TBC1D4: variants seen among roughly 807,000 people sequenced by gnomAD.
The protein encoded by TBC1D4 is TBC1 domain family member 4.
TBC1D4 carries 121 observed loss-of-function variants against 142.5 expected under a neutral mutation model. The observed-to-expected ratio is 0.85, with a 90% confidence interval of 0.73 to 0.99. The LOEUF is 0.99. Among genes scored for constraint, TBC1D4 ranks in the 50% least tolerant of loss-of-function variants. The pLI, the probability that TBC1D4 is intolerant of heterozygous loss-of-function variation, is 0.00. For synonymous variants in TBC1D4, 630 were observed against 628.2 expected (o/e 1.00, Z -0.04); for missense variants, 1,475 against 1,606.6 (o/e 0.92, Z 1.40).
intron 1 of TBC1D4, among the ~76,000 whole-genome samples, chr13:75,407,001 T>C (rs1414433020): frequency 2.0e-5 from 3 of 152,162 alleles, no homozygotes; most frequent in Non-Finnish European, 4.4e-5. Flanking sequence ...TTATGTATCA[T>C]TTCAGGCATT....
chr13:75,353,336 A>G (rs570668532), intron 4 of TBC1D4, among the ~76,000 whole-genome samples: 4 of 152,376 alleles, frequency 2.6e-5, no homozygotes, highest in Admixed American at 6.5e-5. Context: ...CAAGTTCTCC[A>G]GTGATCACAG....
intron 1 of TBC1D4, among the ~76,000 whole-genome samples, chr13:75,368,225 G>T (rs1421783706): frequency 6.6e-6 from 1 of 152,126 alleles, no homozygotes; most frequent in African/African-American, 2.4e-5. Flanking sequence ...TCTCCTTAAG[G>T]AATCACCGGT....
At chr13:75,384,728 A>G (rs1329748186) in intron 1 of TBC1D4, among the ~76,000 whole-genome samples, 1 of 152,102 alleles carries the variant, frequency 6.6e-6, no homozygotes, top group Non-Finnish European at 1.5e-5. Flanking sequence ...CTGATTCAGA[A>G]AAAAAAGAAC....
intron 14 of TBC1D4, among the ~76,000 whole-genome samples, chr13:75,307,219 C>G (rs933243357): frequency 1.3e-5 from 2 of 152,198 alleles, no homozygotes; most frequent in Non-Finnish European, 2.9e-5. Context: ...ACCTCAGCCT[C>G]CCAAAGAGCT....
intron 1 of TBC1D4, among the ~76,000 whole-genome samples, chr13:75,473,554 G>GA (rs770161644): frequency 6.6e-6 from 1 of 152,214 alleles, no homozygotes; most frequent in Non-Finnish European, 1.5e-5. Flanking sequence ...TAAAAGTGAA[G>GA]ACTATTCAAC....
At chr13:75,299,305 T>C (rs568793013) in intron 17 of TBC1D4, 25 bp downstream of exon 17, 1 of 1,613,498 alleles carries the variant, frequency 6.2e-7, no homozygotes, top group East Asian at 2.2e-5. Flanking sequence ...TCTCACACCT[T>C]CCTCGGGAAG....
chr13:75,346,536 C>T (rs1184266007), intron 5 of TBC1D4, among the ~76,000 whole-genome samples: 1 of 152,198 alleles, frequency 6.6e-6, no homozygotes, highest in Non-Finnish European at 1.5e-5. Flanking sequence ...TTTTCTTTAT[C>T]CAGTCTATCA....
rs1419739171 is a variant in TBC1D4 at position 75,299,524 on chromosome 13, G to C, written c.2962C>G (p.Gln988Glu). The C allele has an allele frequency of 1.9e-6, 3 of 1,614,168 alleles. No homozygotes were observed. In the South Asian group the frequency reaches 3.3e-5, roughly 18 times the overall value. Residue 988 changes from glutamine to glutamate, a missense_variant, in exon 17 of 21, where the codon CAG becomes GAG. This residue lies in a region of TBC1D4 where 1,227 missense variants were observed against 1,267.7 expected (regional missense o/e 0.97). Transcript: ENST00000377636. ...PYFSVQLGPG[Q>E]LSLFNLLKAY... ...TTCAGGAGGTTAAACAGTGACAGCTGTCCTGGCCCAAGCTGTACTGAAAAG... is the reference window on the plus strand; with the variant it reads ...TTCAGGAGGTTAAACAGTGACAGCTCTCCTGGCCCAAGCTGTACTGAAAAG...
At chr13:75,397,908 G>A (rs1489255206) in intron 1 of TBC1D4, among the ~76,000 whole-genome samples, 3 of 152,202 alleles carry the variant, frequency 2.0e-5, no homozygotes, top group Non-Finnish European at 4.4e-5. Flanking sequence ...AACATTTTGA[G>A]CTCTTCAAGC....
At chr13:75,424,869 G>A (rs73537549) in intron 1 of TBC1D4, among the ~76,000 whole-genome samples, 4,646 of 152,114 alleles carry the variant, frequency 0.031, 246 homozygotes, top group African/African-American at 0.1. Flanking sequence ...AACTCAAACC[G>A]AATTAAAGAC....
intron 1 of TBC1D4, among the ~76,000 whole-genome samples, chr13:75,424,622 A>G (rs1266296007): frequency 6.6e-6 from 1 of 152,204 alleles, no homozygotes; most frequent in Non-Finnish European, 1.5e-5. Context: ...TCTCCTACAA[A>G]GCTATAGTAA....
intron 1 of TBC1D4, among the ~76,000 whole-genome samples, chr13:75,453,377 G>A (rs1887604696): frequency 6.6e-6 from 1 of 151,862 alleles, no homozygotes; most frequent in Non-Finnish European, 1.5e-5. Flanking sequence ...ATAACATTAT[G>A]CAATTAAAAC....
At chr13:75,369,330 C>T (rs1244284672) in intron 1 of TBC1D4, among the ~76,000 whole-genome samples, 2 of 151,930 alleles carry the variant, frequency 1.3e-5, no homozygotes, top group African/African-American at 4.8e-5. Flanking sequence ...TCCGTCTCTA[C>T]AAAAAATTTA....
intron 1 of TBC1D4, among the ~76,000 whole-genome samples, chr13:75,419,700 A>T (rs1213708637): frequency 6.6e-6 from 1 of 152,152 alleles, no homozygotes; most frequent in Non-Finnish European, 1.5e-5. Context: ...TCTCCCAGTC[A>T]CCTCCATCTG....
In TBC1D4 at chr13:75,294,960, G is replaced by A. The variant is rs773694552; in HGVS notation, c.3210C>T (p.Tyr1070=). The change falls in exon 18 of 21, where the codon TAC becomes TAT. Residue 1070 remains tyrosine (Y), a synonymous_variant. Transcript: ENST00000377636. ...RLLHDYHRDL[Y]NHLEENEISP... ...TGATTTCATTTTCTTCAAGGTGATT[G>A]TAGAGATCTCTGTGATAGTCATGAA... is the stretch of plus-strand genomic sequence containing the variant. The A allele has an allele frequency of 9.9e-6, 16 of 1,613,826 alleles. No individual in the cohort carries two copies. In the African/African-American group the frequency reaches 1.9e-4, roughly 19 times the overall value.
chr13:75,326,097 G>A, intron 10 of TBC1D4, 100 bp downstream of exon 10: 1 of 1,362,160 alleles, frequency 7.3e-7, no homozygotes, highest in Non-Finnish European at 1.0e-6. Flanking sequence ...AAAACTAAAA[G>A]TTGGCTACAG....
chr13:75,385,105 A>G (rs1884091841), intron 1 of TBC1D4, among the ~76,000 whole-genome samples: 1 of 151,620 alleles, frequency 6.6e-6, no homozygotes, highest in African/African-American at 2.4e-5. Flanking sequence ...TTTGCTCACA[A>G]CTCCCCTCAA....
chr13:75,385,887 G>A (rs1413046380), intron 1 of TBC1D4, among the ~76,000 whole-genome samples: 1 of 152,184 alleles, frequency 6.6e-6, no homozygotes, highest in Admixed American at 6.5e-5. Context: ...GTCTTGAGAT[G>A]ATAACATCAA....
intron 1 of TBC1D4, among the ~76,000 whole-genome samples, chr13:75,475,168 T>C (rs1399913627): frequency 6.6e-6 from 1 of 152,222 alleles, no homozygotes; most frequent in African/African-American, 2.4e-5. Flanking sequence ...TTACATACCA[T>C]ATTCCAACCT....
Sources: gnomAD v4.1 joint callset for allele counts (sites outside exome capture counted in the v4.1 genomes callset) on GRCh38, gnomAD v4.1.1 for gene constraint, gnomAD v4.1.1 regional missense constraint, MANE v1.5 for transcripts, NCBI Gene and HGNC (gene_info 2026-07-23, HGNC 2026-07-21) for gene names.